The following GRIN2A variants were observed in gnomAD, a reference collection of about 807,000 sequenced individuals.
GRIN2A encodes glutamate ionotropic receptor NMDA type subunit 2A, also known as glutamate receptor ionotropic, NMDA 2A.
A neutral mutation model predicts 113.4 loss-of-function variants in GRIN2A; 22 were observed. The ratio of observed to expected loss-of-function variants is 0.19; its 90% CI spans 0.14 to 0.28. The LOEUF is 0.28. Ranked by LOEUF, GRIN2A falls within the 10% of genes least tolerant of loss-of-function variation. The pLI is 1.00. For missense variants in GRIN2A, 1,502 were observed against 1,887.0 expected, an observed-to-expected ratio of 0.80 and a Z score of 3.78; for synonymous variants, 827 against 738.4, an observed-to-expected ratio of 1.12 and a Z score of -1.94.
rs2141149342 is a variant in GRIN2A, at chr16:9,768,843, G to A, written c.2595+8C>T. The A allele has an allele frequency of 2.5e-6, 4 of 1,597,434 alleles. No homozygotes were observed. Among genetic ancestry groups the A allele is most frequent in the Non-Finnish European group, 3.4e-6 (4 of 1,164,824 alleles). On this transcript the variant is annotated splice_region_variant and intron_variant, in intron 12 of 12. Coordinates refer to ENST00000330684, the MANE Select transcript of GRIN2A (RefSeq NM_001134407.3). ...CAGTGCAAGAAAGTAGCCACCCGGT[G>A]TACTGACCCTGCTGATGGAGAAGAG... is the stretch of plus-strand genomic sequence containing the variant.
intron 2 of GRIN2A, among the ~76,000 whole-genome samples, chr16:9,983,366 C>T (rs2045925629): frequency 6.6e-6 from 1 of 152,046 alleles, no homozygotes; most frequent in South Asian, 2.1e-4. Flanking sequence ...TTTTTTGTGC[C>T]TGGCTTATTT....
At chr16:9,823,049 G>A (rs2042317629) in intron 9 of GRIN2A, among the ~76,000 whole-genome samples, 1 of 152,122 alleles carries the variant, frequency 6.6e-6, no homozygotes, top group African/African-American at 2.4e-5. Flanking sequence ...ATGAATACTT[G>A]TTGAGCCAGA....
At chr16:10,159,015 C>A (rs2049759200) in intron 2 of GRIN2A, among the ~76,000 whole-genome samples, 1 of 152,042 alleles carries the variant, frequency 6.6e-6, no homozygotes, top group Non-Finnish European at 1.5e-5. Context: ...TTCTTCTGAT[C>A]AAAAAAACAG....
chr16:10,061,254 G>A (rs963812234), intron 2 of GRIN2A, among the ~76,000 whole-genome samples: 4 of 152,132 alleles, frequency 2.6e-5, no homozygotes, highest in Non-Finnish European at 5.9e-5. Context: ...GAGTACAACA[G>A]AAATACAGGA....
chr16:9,907,035 A>T (rs1322046031), intron 3 of GRIN2A, among the ~76,000 whole-genome samples: 4 of 151,994 alleles, frequency 2.6e-5, no homozygotes, highest in Admixed American at 6.6e-5. Flanking sequence ...CTGGTCATGA[A>T]CCCTTGGACT....
At chr16:10,076,684 G>A (rs1465351921) in intron 2 of GRIN2A, among the ~76,000 whole-genome samples, 6 of 152,234 alleles carry the variant, frequency 3.9e-5, no homozygotes, top group Non-Finnish European at 8.8e-5. Context: ...GTCTGGAGGA[G>A]AAAGAGCTAT....
At chr16:10,111,826 A>C in intron 2 of GRIN2A, 1 of 1,256,486 alleles carries the variant, frequency 8.0e-7, no homozygotes, top group Non-Finnish European at 1.1e-6. Flanking sequence ...TGAGATGGGC[A>C]CCATGGGGAG....
intron 11 of GRIN2A, among the ~76,000 whole-genome samples, chr16:9,796,057 C>G (rs965985587): frequency 2.0e-5 from 3 of 152,124 alleles, no homozygotes; most frequent in Admixed American, 6.5e-5. Context: ...CATAAGGTTA[C>G]GAAGATTACA....
At chr16:9,789,467 C>G (rs1458774593) in intron 11 of GRIN2A, among the ~76,000 whole-genome samples, 1 of 151,984 alleles carries the variant, frequency 6.6e-6, no homozygotes, top group Admixed American at 6.6e-5. Flanking sequence ...ATGTTGCTGA[C>G]TATTATGTGG....
In GRIN2A at chr16:9,814,718, T is replaced by G. The variant is rs370005888; in HGVS notation, c.2168+7546A>C. Among the ~76,000 whole-genome samples, 290 of 152,214 alleles carry G rather than the reference T, an allele frequency of 1.9e-3. 2 individuals carry two copies. The highest frequency in any genetic ancestry group is 6.5e-3 in the African/African-American group (268 of 41,538). ...CCTACATCTGAATCACTAGAAGCACTAATAAAAATGTACCTTCTTGGCCGG... is the reference window on the plus strand; with the variant it reads ...CCTACATCTGAATCACTAGAAGCACGAATAAAAATGTACCTTCTTGGCCGG... On this transcript the variant is annotated intron_variant, in intron 10 of 12. Coordinates refer to ENST00000330684, the MANE Select transcript of GRIN2A (RefSeq NM_001134407.3).
At chr16:9,768,822 G>A (rs752983725) in intron 12 of GRIN2A, 29 bp downstream of exon 12, 1 of 1,496,052 alleles carries the variant, frequency 6.7e-7, no homozygotes, top group South Asian at 1.1e-5. Context: ...TGCTTGCAGT[G>A]CAAGAAAGTA....
At chr16:10,021,199 A>C (rs1410368872) in intron 2 of GRIN2A, among the ~76,000 whole-genome samples, 1 of 152,176 alleles carries the variant, frequency 6.6e-6, no homozygotes, top group African/African-American at 2.4e-5. Context: ...GTACCTTCCC[A>C]GCTCTAAGGC....
At chr16:10,132,416 T>G (rs554668932) in intron 2 of GRIN2A, among the ~76,000 whole-genome samples, 1 of 150,752 alleles carries the variant, frequency 6.6e-6, no homozygotes, top group East Asian at 2.0e-4. Flanking sequence ...AAAGCTGGAT[T>G]TGGGGCCATG....
chr16:9,807,119 T>G (rs2041986766), intron 10 of GRIN2A, among the ~76,000 whole-genome samples: 3 of 149,742 alleles, frequency 2.0e-5, no homozygotes, highest in South Asian at 4.3e-4. Flanking sequence ...TTGAGTCCAT[T>G]AAACATCTTT....
intron 2 of GRIN2A, among the ~76,000 whole-genome samples, chr16:9,994,602 TG>T (rs1370578488): frequency 7.9e-5 from 12 of 152,262 alleles, no homozygotes; most frequent in African/African-American, 2.6e-4. Flanking sequence ...ATTATTGATT[TG>T]TATCAAAACA....
At chr16:10,163,761 G>C (rs1014600134) in intron 2 of GRIN2A, among the ~76,000 whole-genome samples, 1 of 152,168 alleles carries the variant, frequency 6.6e-6, no homozygotes, top group African/African-American at 2.4e-5. Context: ...AATATTTTGA[G>C]TATTCCTCAC....
intron 2 of GRIN2A, among the ~76,000 whole-genome samples, chr16:10,046,929 G>T (rs537094014): frequency 2.4e-4 from 37 of 152,272 alleles, no homozygotes; most frequent in African/African-American, 8.4e-4. Context: ...CTCTACCTTA[G>T]TGCTGTTGAC....
chr16:10,124,564 G>T (rs1160572597), intron 2 of GRIN2A, among the ~76,000 whole-genome samples: 1 of 152,174 alleles, frequency 6.6e-6, no homozygotes, highest in Non-Finnish European at 1.5e-5. Flanking sequence ...ACAGACAGGG[G>T]CACTGAAATT....
intron 8 of GRIN2A, among the ~76,000 whole-genome samples, chr16:9,832,065 C>T (rs1159137669): frequency 3.3e-5 from 5 of 151,596 alleles, no homozygotes; most frequent in East Asian, 1.9e-4. Flanking sequence ...AATACAGGCA[C>T]GCATCATCAC....
Sources: allele counts gnomAD v4.1 joint callset (sites outside exome capture counted in the v4.1 genomes callset), GRCh38; gene constraint gnomAD v4.1.1; transcripts MANE v1.5; gene names NCBI Gene and HGNC (gene_info 2026-07-23, HGNC 2026-07-21).